ARFGEF1: variants seen among roughly 807,000 people sequenced by gnomAD.
ARFGEF1 encodes the protein brefeldin A-inhibited guanine nucleotide-exchange protein 1.
A neutral mutation model predicts 231.0 loss-of-function variants in ARFGEF1; 42 were observed. That is an observed-to-expected ratio of 0.18 (90% confidence interval 0.14 to 0.24). The LOEUF is 0.24. ARFGEF1 is among the 10% of genes least tolerant of loss of function. ARFGEF1 has a pLI of 1.00. For missense variants in ARFGEF1, 1,345 were observed against 2,192.0 expected (o/e 0.61, Z 7.72); for synonymous variants, 710 against 732.3 (o/e 0.97, Z 0.49).
chr8:67,275,901 A>C, intron 9 of ARFGEF1, 75 bp downstream of exon 9: 1 of 1,563,160 alleles, frequency 6.4e-7, no homozygotes, highest in Non-Finnish European at 8.7e-7. Flanking sequence ...ACAAAAGAAA[A>C]TCCAAACATT....
In ARFGEF1 at chr8:67,218,145, A is replaced by G. The variant is rs748608148; in HGVS notation, c.4339-7T>C. On this transcript the variant is annotated splice_polypyrimidine_tract_variant and splice_region_variant and intron_variant, in intron 30 of 38. Transcript: ENST00000262215. ...TTGTCATCCATTCAGCTTTCTGGGG[A>G]AAAAAGTCATTAATGAACATCACGC... 5.6e-5 allele frequency: 79 copies of G among 1,421,908 alleles called. No homozygotes were observed. Among genetic ancestry groups the G allele is most frequent in the Non-Finnish European group, 7.0e-5 (76 of 1,080,452 alleles). The allele number at this position is 1,421,908 out of a possible 1,614,324, so 88.1% of individuals were successfully genotyped here. A position where few individuals can be genotyped will look rare whatever the true frequency, so the allele number is the denominator to read the frequency against.
At position 67,253,948 on chromosome 8, in the gene ARFGEF1, A is replaced by C. The variant is rs1007595838; in HGVS notation, c.2527-326T>G. Among the ~76,000 whole-genome samples the C allele has an allele frequency of 6.6e-5, 10 of 152,236 alleles. 1 individual carries two copies. Among genetic ancestry groups the C allele is most frequent in the Admixed American group, 3.9e-4 (6 of 15,284 alleles). ...GCAGTCTCTCAAAAGGGCCATGACA[A>C]TTATTGGAAATAAAGATATCAAAAA... On this transcript the variant is annotated intron_variant, in intron 17 of 38. Transcript: ENST00000262215.
intron 5 of ARFGEF1, among the ~76,000 whole-genome samples, chr8:67,189,140 C>T (rs1835492727): frequency 6.6e-6 from 1 of 152,160 alleles, no homozygotes; most frequent in South Asian, 2.1e-4. Context: ...GGTTATGGAG[C>T]AATAGGAACT....
At chr8:67,310,387 G>A (rs890299618) in intron 1 of ARFGEF1, among the ~76,000 whole-genome samples, 8 of 152,178 alleles carry the variant, frequency 5.3e-5, no homozygotes, top group Admixed American at 1.3e-4. Flanking sequence ...ACGGAGTCTC[G>A]TTCACTCAGT....
intron 34 of ARFGEF1, among the ~76,000 whole-genome samples, chr8:67,205,282 C>A (rs932870671): frequency 3.9e-5 from 6 of 152,182 alleles, no homozygotes; most frequent in African/African-American, 1.4e-4. Context: ...AAGCTTCCTG[C>A]CAAAGCTGCC....
At chr8:67,265,062 G>C (rs1176679241) in intron 14 of ARFGEF1, among the ~76,000 whole-genome samples, 1 of 152,136 alleles carries the variant, frequency 6.6e-6, no homozygotes, top group Non-Finnish European at 1.5e-5. Context: ...CATGTATCTA[G>C]TTTCCCCAGG....
downstream of ARFGEF1, chr8:67,193,537 TTA>T (rs2129575958): frequency 6.2e-7 from 1 of 1,613,414 alleles, no homozygotes; most frequent in Non-Finnish European, 8.5e-7. Flanking sequence ...GTTGATGAGC[TTA>T]GAGTGAGAAA....
chr8:67,284,419 C>T lies in ARFGEF1; in HGVS notation c.1027+3536G>A, dbSNP rs74553851. 8.1e-3 allele frequency among the ~76,000 whole-genome samples: 1,238 copies of T among 152,058 alleles called. 17 individuals carry two copies. The highest frequency in any genetic ancestry group is 0.028 in the African/African-American group (1,177 of 41,464). ...AGCTGATGGAGTTCTCCAAGTAAGC[C>T]TTTTATGTAATTTTGACTTTGAATC... is the stretch of plus-strand genomic sequence containing the variant. On this transcript the variant is annotated intron_variant, in intron 7 of 38. Coordinates refer to ENST00000262215, the MANE Select transcript of ARFGEF1 (RefSeq NM_006421.5).
At chr8:67,284,087 AC>A in intron 7 of ARFGEF1, among the ~76,000 whole-genome samples, 1 of 152,328 alleles carries the variant, frequency 6.6e-6, no homozygotes, top group Middle Eastern at 3.4e-3. Flanking sequence ...CGTAAGTACA[AC>A]AGGGGGCTGG....
chr8:67,270,730 A>G (rs1434025986), intron 10 of ARFGEF1, among the ~76,000 whole-genome samples: 2 of 150,520 alleles, frequency 1.3e-5, no homozygotes, highest in Non-Finnish European at 3.0e-5. Context: ...AAAAAAAAAA[A>G]AAAACCACAT....
At chr8:67,295,755 G>A (rs960405903) in intron 5 of ARFGEF1, among the ~76,000 whole-genome samples, 1 of 152,232 alleles carries the variant, frequency 6.6e-6, no homozygotes, top group East Asian at 1.9e-4. Context: ...TAACAGTATT[G>A]TACCAGTGTT....
chr8:67,329,077 T>C (rs1807974001), intron 1 of ARFGEF1, among the ~76,000 whole-genome samples: 3 of 150,644 alleles, frequency 2.0e-5, no homozygotes, highest in Admixed American at 1.3e-4. Context: ...AATACAAAAA[T>C]TAGCCAGGCA....
chr8:67,230,663 A>G (rs1440418868), intron 23 of ARFGEF1, among the ~76,000 whole-genome samples: 1 of 152,114 alleles, frequency 6.6e-6, no homozygotes. Context: ...TAAAAAAACC[A>G]TAAAGAGAAA....
At chr8:67,335,650 TG>T (rs1336078327) in intron 1 of ARFGEF1, among the ~76,000 whole-genome samples, 3 of 152,198 alleles carry the variant, frequency 2.0e-5, no homozygotes, top group African/African-American at 7.2e-5. Context: ...GCTGATTAAA[TG>T]AAGTCTCAAT....
rs1327421874 is a variant in ARFGEF1, at chr8:67,301,256, G to A, written c.280C>T (p.Arg94Cys). ...FELACQSKCP[R>C]IVSTSLDCLQ... ...CAATCTAGAGATGTACTAACTATGC[G>A]AGGACATTTGGACTGGCATGCCAAC... Residue 94 changes from arginine to cysteine, a missense_variant, in exon 3 of 39, where the codon CGC (arginine) becomes TGC (cysteine). Arg to Cys is a radical substitution (Grantham distance 180, BLOSUM62 -3). Coordinates refer to ENST00000262215, the MANE Select transcript of ARFGEF1 (RefSeq NM_006421.5). 2 of 1,613,444 alleles carry A rather than the reference G, an allele frequency of 1.2e-6. No individual in the cohort carries two copies. The highest frequency in any genetic ancestry group is 1.7e-5 in the Admixed American group (1 of 59,768).
intron 29 of ARFGEF1, among the ~76,000 whole-genome samples, chr8:67,224,384 T>C (rs1839303625): frequency 6.6e-6 from 1 of 152,180 alleles, no homozygotes; most frequent in African/African-American, 2.4e-5. Context: ...TAATAGTTCC[T>C]TTACAGATTG....
At chr8:67,314,472 G>A (rs1450422652) in intron 1 of ARFGEF1, among the ~76,000 whole-genome samples, 4 of 152,214 alleles carry the variant, frequency 2.6e-5, no homozygotes, top group Non-Finnish European at 4.4e-5. Context: ...CCTGTATTTC[G>A]CTTGGCTCAA....
chr8:67,292,110 T>A lies in ARFGEF1; in HGVS notation c.653A>T (p.Lys218Ile). The A allele has an allele frequency of 6.2e-7, 1 of 1,611,578 alleles. No individual in the cohort carries two copies. The highest frequency in any genetic ancestry group is 8.5e-7 in the Non-Finnish European group (1 of 1,179,074). Residue 218 changes from lysine to isoleucine, a missense_variant, in exon 6 of 39, where the codon AAA becomes ATA. By Grantham distance (102) the Lys-to-Ile change is moderately radical. Around this residue, in one of 14 missense-constraint regions of ARFGEF1, gnomAD observed 398 missense variants for 463.2 expected, o/e 0.86. Coordinates refer to ENST00000262215, the MANE Select transcript of ARFGEF1 (RefSeq NM_006421.5). ...CCGATGCCTTTCTTTTTCCATTTGT[T>A]TTGCTTCCTGTAACTGGAAATAAAT... ...RMENQALQEA[K>I]QMEKERHRQH...
chr8:67,216,356 CAGCA>C (rs1460095058), intron 33 of ARFGEF1, among the ~76,000 whole-genome samples: 1 of 152,062 alleles, frequency 6.6e-6, no homozygotes, highest in Non-Finnish European at 1.5e-5. Context: ...CGTGAGAATG[CAGCA>C]ACGTGGTGCC....
Sources: gnomAD v4.1 joint callset for allele counts (sites outside exome capture counted in the v4.1 genomes callset) on GRCh38, gnomAD v4.1.1 for gene constraint, gnomAD v4.1.1 regional missense constraint, MANE v1.5 for transcripts, NCBI Gene and HGNC (gene_info 2026-07-23, HGNC 2026-07-21) for gene names.